Variants in MTHFD1 observed in about 807,000 individuals in gnomAD.
MTHFD1 encodes the protein C-1-tetrahydrofolate synthase, cytoplasmic.
MTHFD1 carries 44 observed loss-of-function variants against 110.3 expected under a neutral mutation model. That is an observed-to-expected ratio of 0.40 (90% CI 0.31 to 0.51). The LOEUF (loss-of-function observed/expected upper bound fraction) is 0.51. MTHFD1 is among the 20% of genes least tolerant of loss of function. The pLI is 0.60. For missense variants in MTHFD1, 909 were observed against 1,173.1 expected (o/e 0.77, Z 3.29); for synonymous variants, 402 against 428.8 (o/e 0.94, Z 0.77).
chr14:64,438,366 C>T (rs2078222713), intron 16 of MTHFD1, among the ~76,000 whole-genome samples: 1 of 152,142 alleles, frequency 6.6e-6, no homozygotes, highest in Admixed American at 6.6e-5. Flanking sequence ...AATAACAAGA[C>T]ACTCCTATCA....
At chr14:64,401,227 A>G (rs2140945976) in intron 2 of MTHFD1, among the ~76,000 whole-genome samples, 1 of 152,118 alleles carries the variant, frequency 6.6e-6, no homozygotes, top group African/African-American at 2.4e-5. Flanking sequence ...TAGTAGTGCA[A>G]TCATAGCTCA....
Position 64,445,434 on chromosome 14 carries a change from T to G in MTHFD1, c.2178+700T>G, listed in dbSNP as rs148695280. On this transcript the variant is annotated intron_variant, in intron 22 of 27. Coordinates refer to ENST00000652337, the MANE Select transcript of MTHFD1 (RefSeq NM_005956.4). ...CAAATCTTTTCATATTTATGTCATT[T>G]ACCATCAAAGAAACATCTCTAAAGC... is the stretch of plus-strand genomic sequence containing the variant. Among the ~76,000 whole-genome samples the G allele has an allele frequency of 1.5e-4, 23 of 152,334 alleles. No individual in the cohort carries two copies. In the East Asian group the frequency reaches 4.2e-3, roughly 28 times the overall value.
intron 2 of MTHFD1, among the ~76,000 whole-genome samples, chr14:64,409,859 T>C (rs532718141): frequency 5.3e-5 from 8 of 152,236 alleles, no homozygotes; most frequent in African/African-American, 1.9e-4. Flanking sequence ...ATAGCACCAA[T>C]ATGACAAGCT....
chr14:64,401,090 G>A (rs917062672), intron 2 of MTHFD1, among the ~76,000 whole-genome samples: 24 of 151,836 alleles, frequency 1.6e-4, no homozygotes, highest in African/African-American at 4.6e-4. Flanking sequence ...CTTTCTCTAG[G>A]CCAGTGTCTC....
intron 13 of MTHFD1, 148 bp from the exon 14 acceptor site, chr14:64,431,384 G>A: frequency 1.4e-6 from 1 of 706,102 alleles, no homozygotes; most frequent in East Asian, 2.7e-5. Context: ...ATGTTTTCAA[G>A]AACTCCCTAT....
chr14:64,403,699 G>A (rs566331030), intron 2 of MTHFD1, among the ~76,000 whole-genome samples: 66 of 151,876 alleles, frequency 4.3e-4, no homozygotes, highest in African/African-American at 1.3e-3. Flanking sequence ...GAGCTACTGC[G>A]CTTGGCCTTA....
intron 2 of MTHFD1, among the ~76,000 whole-genome samples, chr14:64,404,345 C>T (rs989380679): frequency 2.0e-5 from 3 of 152,190 alleles, no homozygotes; most frequent in Non-Finnish European, 2.9e-5. Context: ...CCCTTGAGAT[C>T]TCTTCCCCAT....
chr14:64,412,893 C>A (rs987212716), intron 4 of MTHFD1, among the ~76,000 whole-genome samples: 7 of 151,742 alleles, frequency 4.6e-5, no homozygotes, highest in Non-Finnish European at 8.8e-5. Context: ...CCGCCTTGGC[C>A]TCCCAAAGTG....
chr14:64,409,125 C>T (rs536682555), intron 2 of MTHFD1, among the ~76,000 whole-genome samples: 2 of 152,112 alleles, frequency 1.3e-5, no homozygotes, highest in East Asian at 3.9e-4. Context: ...ATATTCAGGC[C>T]GAAAATAGTT....
intron 2 of MTHFD1, among the ~76,000 whole-genome samples, chr14:64,404,005 T>C (rs2077919674): frequency 6.6e-6 from 1 of 152,208 alleles, no homozygotes; most frequent in African/African-American, 2.4e-5. Context: ...ACTAGTAGTC[T>C]TACACACCAT....
In MTHFD1 at chr14:64,417,473, A is replaced by G. The variant is rs977781840; in HGVS notation, c.479-415A>G. ...AAAGTTAGAAGGAATTACCGATACT[A>G]ATCTAATTTCTTACACATCTCTCCA... On this transcript the variant is annotated intron_variant, in intron 6 of 27. Transcript: ENST00000652337. The surrounding 1 kb of genome is among the most constrained non-coding windows in gnomAD (Gnocchi z 4.4). Among the ~76,000 whole-genome samples, 3 of 152,240 alleles carry G rather than the reference A, an allele frequency of 2.0e-5. No individual in the cohort carries two copies. The highest frequency in any genetic ancestry group is 4.8e-5 in the African/African-American group (2 of 41,458).
At chr14:64,457,459 C>CT (rs35789478) in intron 26 of MTHFD1, among the ~76,000 whole-genome samples, 28,095 of 143,112 alleles carry the variant, frequency 0.2, 2,795 homozygotes, top group Middle Eastern at 0.29. Flanking sequence ...TTTTCTTTTC[C>CT]TTTTTTTTTT....
At chr14:64,428,195 C>A (rs1409532286) in intron 12 of MTHFD1, among the ~76,000 whole-genome samples, 1 of 147,164 alleles carries the variant, frequency 6.8e-6, no homozygotes, top group Non-Finnish European at 1.5e-5. Context: ...CTCATTGCAA[C>A]CTCTCCACCT....
At chr14:64,398,313 A>G (rs150916642) in intron 1 of MTHFD1, among the ~76,000 whole-genome samples, 9,952 of 152,276 alleles carry the variant, frequency 0.065, 463 homozygotes, top group Non-Finnish European at 0.091. Context: ...TGGGAGGCCA[A>G]GGTGGGAGGA....
intron 27 of MTHFD1, among the ~76,000 whole-genome samples, chr14:64,459,482 G>A (rs578145422): frequency 1.4e-5 from 2 of 146,564 alleles, no homozygotes; most frequent in Non-Finnish European, 3.1e-5. Context: ...TTTGATGCTA[G>A]AACACTATTC....
At chr14:64,458,570 A>G (rs577222665) in intron 27 of MTHFD1, 64 of 494,754 alleles carry the variant, frequency 1.3e-4, no homozygotes, top group Non-Finnish European at 2.0e-4. Flanking sequence ...CTGCTGTCCA[A>G]TAAACTACAG....
Position 64,458,248 on chromosome 14 carries a change from G to A in MTHFD1, c.2753G>A (p.Cys918Tyr), listed in dbSNP as rs756554715. ...ATGCCTGGACTCCCCACCCGGCCCT[G>A]TTTTTATGATATTGATTTGGACCCT... is the stretch of plus-strand genomic sequence containing the variant. ...STMPGLPTRP[C>Y]FYDIDLDPET... The change falls in exon 27 of 28, where the codon TGT (cysteine) becomes TAT (tyrosine). Residue 918 changes from cysteine to tyrosine, a missense_variant. Physicochemically the swap from Cys to Tyr is radical, Grantham distance 194. Around this residue, in one of 3 missense-constraint regions of MTHFD1, gnomAD observed 482 missense variants for 646.0 expected, o/e 0.75. Transcript: ENST00000652337. 6.2e-7 allele frequency: 1 copy of A among 1,613,592 alleles called. No individual in the cohort carries two copies.
intron 8 of MTHFD1, among the ~76,000 whole-genome samples, chr14:64,423,546 A>G (rs947778511): frequency 3.3e-5 from 5 of 151,426 alleles, no homozygotes; most frequent in Non-Finnish European, 5.9e-5. Flanking sequence ...GGTGCCCGCT[A>G]CCAAGCCCAG....
chr14:64,458,417 A>G (rs1334553010), intron 27 of MTHFD1, 110 bp downstream of exon 27: 1 of 806,312 alleles, frequency 1.2e-6, no homozygotes, highest in Non-Finnish European at 2.2e-6. Flanking sequence ...CTTTCAAAAC[A>G]TTTCTTTTCA....
Sources: gnomAD v4.1 joint callset for allele counts (sites outside exome capture counted in the v4.1 genomes callset) on GRCh38, gnomAD v4.1.1 for gene constraint, gnomAD v4.1.1 regional missense constraint, Gnocchi (gnomAD v3.1) non-coding constraint, MANE v1.5 for transcripts, NCBI Gene and HGNC (gene_info 2026-07-23, HGNC 2026-07-21) for gene names.